The following LRP1B variants were observed in gnomAD, a reference collection of about 807,000 sequenced individuals.
The protein encoded by LRP1B is LDL receptor related protein 1B.
LRP1B carries 217 observed loss-of-function variants against 556.6 expected under a neutral mutation model. The ratio of observed to expected loss-of-function variants is 0.39; its 90% CI spans 0.35 to 0.44. The LOEUF is 0.44. Ranked by LOEUF, LRP1B falls within the 20% of genes least tolerant of loss-of-function variation. LRP1B has a pLI of 1.00. For missense variants in LRP1B, 5,053 were observed against 5,620.8 expected (o/e 0.90, Z 3.23); for synonymous variants, 2,047 against 1,865.8 (o/e 1.10, Z -2.50).
chr2:141,737,037 C>T (rs1314990120), intron 2 of LRP1B, among the ~76,000 whole-genome samples: 4 of 152,076 alleles, frequency 2.6e-5, no homozygotes, highest in Non-Finnish European at 5.9e-5. Flanking sequence ...CATGTTCTCC[C>T]TTTGGTGGGT....
intron 25 of LRP1B, among the ~76,000 whole-genome samples, chr2:140,870,210 G>A (rs1693085140): frequency 6.6e-6 from 1 of 152,090 alleles, no homozygotes. Flanking sequence ...AGCTCTGAGA[G>A]ATTTTCTGAG....
intron 47 of LRP1B, among the ~76,000 whole-genome samples, chr2:140,532,489 C>T (rs1292196639): frequency 6.6e-5 from 10 of 152,066 alleles, no homozygotes; most frequent in Non-Finnish European, 1.0e-4. Context: ...CTTCACCTCT[C>T]GGGTTCAAGC....
intron 50 of LRP1B, among the ~76,000 whole-genome samples, 163 bp downstream of exon 50, chr2:140,516,726 C>T (rs1542655): frequency 0.75 from 113,397 of 152,034 alleles, 42,833 homozygotes; most frequent in Middle Eastern, 0.88. Flanking sequence ...ATAAGCTCTT[C>T]TGTTTTAATT....
rs573867912 is a variant in LRP1B, at chr2:140,880,667, T to C, written c.4169+3150A>G. Among the ~76,000 whole-genome samples, 12 of 152,246 alleles carry C rather than the reference T, an allele frequency of 7.9e-5. No individual in the cohort carries two copies. The East Asian group carries it at 2.1e-3, about 27-fold the overall frequency. On this transcript the variant is annotated intron_variant, in intron 25 of 90. Transcript: ENST00000389484. ...AGAAACCTCACATGAAGTAAATGTGTTTTGTGAGGCTAGTGTTAGGGCCTG... is the reference window on the plus strand; with the variant it reads ...AGAAACCTCACATGAAGTAAATGTGCTTTGTGAGGCTAGTGTTAGGGCCTG...
intron 6 of LRP1B, among the ~76,000 whole-genome samples, chr2:141,225,725 G>A (rs973575291): frequency 6.6e-6 from 1 of 151,876 alleles, no homozygotes; most frequent in Non-Finnish European, 1.5e-5. Flanking sequence ...TCCCCCCAAG[G>A]TTCATTAATA....
chr2:140,455,198 AAAT>A (rs1687046155), intron 62 of LRP1B, among the ~76,000 whole-genome samples: 1 of 152,190 alleles, frequency 6.6e-6, no homozygotes, highest in Non-Finnish European at 1.5e-5. Flanking sequence ...AGCTCTTTAA[AAAT>A]AATATTTTTA....
At chr2:140,245,669 C>T (rs538110595) in intron 87 of LRP1B, among the ~76,000 whole-genome samples, 1 of 151,322 alleles carries the variant, frequency 6.6e-6, no homozygotes, top group South Asian at 2.1e-4. Context: ...AATATGCCTC[C>T]AGAGTTATTA....
intron 6 of LRP1B, among the ~76,000 whole-genome samples, chr2:141,189,804 C>T (rs978508926): frequency 4.6e-5 from 7 of 151,752 alleles, no homozygotes; most frequent in Non-Finnish European, 8.8e-5. Context: ...ACTACTGTTG[C>T]GGCTTAGAAA....
chr2:142,122,884 G>T (rs1375611), intron 1 of LRP1B, among the ~76,000 whole-genome samples: 84,850 of 151,828 alleles, frequency 0.56, 24,074 homozygotes, highest in East Asian at 0.72. Context: ...AAAAGCTTTG[G>T]AAATGCACAA....
intron 2 of LRP1B, among the ~76,000 whole-genome samples, chr2:141,484,244 G>T (rs11900032): frequency 0.39 from 55,157 of 141,542 alleles, 11,209 homozygotes; most frequent in East Asian, 0.65. Flanking sequence ...GCTTGTTTTT[G>T]TCAGGTTTGT....
chr2:141,315,847 G>T (rs1020765316), intron 3 of LRP1B, among the ~76,000 whole-genome samples: 1 of 112,296 alleles, frequency 8.9e-6, no homozygotes, highest in African/African-American at 3.5e-5. Flanking sequence ...AAATACCTCT[G>T]TAAAATGCAG....
chr2:140,929,013 G>A (rs1160989606), intron 20 of LRP1B, among the ~76,000 whole-genome samples: 1 of 152,090 alleles, frequency 6.6e-6, no homozygotes, highest in Non-Finnish European at 1.5e-5. Flanking sequence ...ATCTATTAGA[G>A]ATTTTGAAGC....
intron 17 of LRP1B, among the ~76,000 whole-genome samples, chr2:140,986,134 G>T: frequency 6.6e-6 from 1 of 150,648 alleles, no homozygotes; most frequent in Non-Finnish European, 1.5e-5. Flanking sequence ...TTGGATGAGA[G>T]TATCTCATGT....
Position 141,085,833 on chromosome 2 carries a change from C to T in LRP1B, c.1014-23560G>A, listed in dbSNP as rs568377644. Reference sequence around the variant, plus strand: ...AGTTTTAATGAAGAATCACTCATCGCAGTTGTTTTTCATCTCTTTCACCTA... The same window carrying T: ...AGTTTTAATGAAGAATCACTCATCGTAGTTGTTTTTCATCTCTTTCACCTA... On this transcript the variant is annotated intron_variant, in intron 7 of 90. Coordinates refer to ENST00000389484, the MANE Select transcript of LRP1B (RefSeq NM_018557.3). 1.4e-4 allele frequency among the ~76,000 whole-genome samples: 21 copies of T among 152,306 alleles called. No homozygotes were observed. The South Asian group carries it at 4.4e-3, about 32-fold the overall frequency.
chr2:141,909,552 T>TAA, intron 1 of LRP1B, among the ~76,000 whole-genome samples: 1 of 104,870 alleles, frequency 9.5e-6, no homozygotes, highest in African/African-American at 3.3e-5. Flanking sequence ...TTTTTTTTTT[T>TAA]TTTTTTTTAC....
chr2:140,592,999 G>A (rs1186512027), intron 43 of LRP1B, among the ~76,000 whole-genome samples: 1 of 151,716 alleles, frequency 6.6e-6, no homozygotes, highest in Non-Finnish European at 1.5e-5. Context: ...AATATTTAGT[G>A]CCATAAAAAG....
intron 5 of LRP1B, among the ~76,000 whole-genome samples, chr2:141,234,756 T>C (rs1237956175): frequency 1.3e-5 from 2 of 151,952 alleles, no homozygotes; most frequent in African/African-American, 4.8e-5. Context: ...AACAGAAAAT[T>C]ATGTAGTTTA....
intron 35 of LRP1B, among the ~76,000 whole-genome samples, chr2:140,764,265 G>A (rs146358769): frequency 1.3e-5 from 2 of 152,066 alleles, no homozygotes; most frequent in African/African-American, 2.4e-5. Flanking sequence ...AATAATACAC[G>A]ATCTTCTACT....
At chr2:140,692,362 C>T (rs1469488918) in intron 41 of LRP1B, among the ~76,000 whole-genome samples, 1 of 151,878 alleles carries the variant, frequency 6.6e-6, no homozygotes. Flanking sequence ...CACAATGAAC[C>T]ATTATTCTCT....
Sources: gnomAD v4.1 joint callset for allele counts (sites outside exome capture counted in the v4.1 genomes callset) on GRCh38, gnomAD v4.1.1 for gene constraint, MANE v1.5 for transcripts, NCBI Gene and HGNC (gene_info 2026-07-23, HGNC 2026-07-21) for gene names.